CFDP1: variants seen among roughly 807,000 people sequenced by gnomAD.
CFDP1 encodes the protein heterochromatin-stabilizing protein CFDP1.
A neutral mutation model predicts 40.1 loss-of-function variants in CFDP1; 31 were observed. That is an observed-to-expected ratio of 0.77 (90% CI 0.58 to 1.04). The LOEUF is 1.04. CFDP1 is among the 50% of genes least tolerant of loss of function. The probability of loss-of-function intolerance (pLI) is 0.00; values close to 1 mark genes in which losing one functional copy is unlikely to be tolerated. For synonymous variants in CFDP1, 167 were observed against 120.0 expected (o/e 1.39, Z -2.56); for missense variants, 423 against 343.4 (o/e 1.23, Z -1.83).
intron 5 of CFDP1, among the ~76,000 whole-genome samples, chr16:75,314,622 G>T (rs971408258): frequency 6.6e-6 from 1 of 152,064 alleles, no homozygotes; most frequent in Non-Finnish European, 1.5e-5. Context: ...ACTGGCATGG[G>T]AATTATACCT....
chr16:75,327,012 T>G (rs1445883453), intron 5 of CFDP1, among the ~76,000 whole-genome samples: 1 of 152,228 alleles, frequency 6.6e-6, no homozygotes, highest in East Asian at 1.9e-4. Flanking sequence ...GGCTGACGCC[T>G]GTAATCCCAG....
intron 6 of CFDP1, among the ~76,000 whole-genome samples, chr16:75,295,628 T>C (rs2078176877): frequency 6.6e-6 from 1 of 152,204 alleles, no homozygotes; most frequent in African/African-American, 2.4e-5. Flanking sequence ...GCTCAGGTAC[T>C]AAGCTGCTGT....
intron 5 of CFDP1, among the ~76,000 whole-genome samples, chr16:75,307,331 T>C (rs2078265734): frequency 6.6e-6 from 1 of 152,138 alleles, no homozygotes; most frequent in Non-Finnish European, 1.5e-5. Context: ...TTCTCCTGTC[T>C]CAGCCTCCCA....
chr16:75,418,252 CAAAAAAAAAAA>C (rs34789992), intron 1 of CFDP1, among the ~76,000 whole-genome samples: 2 of 57,010 alleles, frequency 3.5e-5, no homozygotes, highest in African/African-American at 6.6e-5. Context: ...AACTCTGTCT[CAAAAAAAAAAA>C]AAAAAAAAAA....
intron 5 of CFDP1, among the ~76,000 whole-genome samples, chr16:75,330,962 T>TA (rs11333509): frequency 0.034 from 4,392 of 127,446 alleles, 202 homozygotes; most frequent in East Asian, 0.28. Flanking sequence ...TTCCAATTAT[T>TA]AAAAAAAAAA....
At chr16:75,424,414 A>G (rs1236461951) in intron 1 of CFDP1, among the ~76,000 whole-genome samples, 1 of 152,216 alleles carries the variant, frequency 6.6e-6, no homozygotes, top group Non-Finnish European at 1.5e-5. Context: ...ACCTATAGCT[A>G]ACACCACATC....
At chr16:75,347,359 A>AAAAAAAAAAAAAAG (rs1555556963) in intron 5 of CFDP1, among the ~76,000 whole-genome samples, 13 of 53,690 alleles carry the variant, frequency 2.4e-4, no homozygotes, top group Admixed American at 2.8e-4. Flanking sequence ...AAAAAAAAAA[A>AAAAAAAAAAAAAAG]AAAAAGAAAA....
Position 75,305,153 on chromosome 16 carries a change from A to G in CFDP1, c.680T>C (p.Leu227Pro), listed in dbSNP as rs1032570804. The G allele has an allele frequency of 1.9e-6, 3 of 1,614,146 alleles. No individual in the cohort carries two copies. Among genetic ancestry groups the G allele is most frequent in the Non-Finnish European group, 2.5e-6 (3 of 1,180,026 alleles). The change falls in exon 6 of 7, where the codon CTT becomes CCT. Residue 227 changes from leucine to proline, a missense_variant. Leu to Pro is a moderately conservative substitution (Grantham distance 98). Transcript: ENST00000283882. ...CTTCTTGGCACCAATTTTCCCCAAA[A>G]GGCTGCTCATGCCACTTGATCTTTT... is the stretch of plus-strand genomic sequence containing the variant. ...GLKRSSGMSS[L>P]LGKIGAKKQK...
chr16:75,315,098 G>C (rs990148425), intron 5 of CFDP1, among the ~76,000 whole-genome samples: 1 of 151,994 alleles, frequency 6.6e-6, no homozygotes, highest in African/African-American at 2.4e-5. Context: ...ATTCACAAAA[G>C]CATCACATAA....
intron 4 of CFDP1, among the ~76,000 whole-genome samples, chr16:75,405,690 C>G (rs991074143): frequency 7.4e-5 from 11 of 147,674 alleles, no homozygotes; most frequent in Admixed American, 4.9e-4. Flanking sequence ...GGTAAAGTTG[C>G]AGTGAGCTGA....
intron 5 of CFDP1, among the ~76,000 whole-genome samples, chr16:75,312,766 A>C (rs569932064): frequency 1.1e-4 from 17 of 152,198 alleles, no homozygotes; most frequent in African/African-American, 3.9e-4. Flanking sequence ...ATTTTAGCTG[A>C]CTTTGGTGCT....
At chr16:75,380,645 CTT>C (rs1443928176) in intron 5 of CFDP1, among the ~76,000 whole-genome samples, 1 of 152,116 alleles carries the variant, frequency 6.6e-6, no homozygotes, top group Non-Finnish European at 1.5e-5. Flanking sequence ...AGAAAGGTCT[CTT>C]TTAAGAACCG....
At chr16:75,373,525 C>A (rs2078769234) in intron 5 of CFDP1, among the ~76,000 whole-genome samples, 1 of 152,106 alleles carries the variant, frequency 6.6e-6, no homozygotes, top group Non-Finnish European at 1.5e-5. Context: ...GTGACCCCTG[C>A]CCACCCCCCA....
chr16:75,427,655 C>G (rs561884829), intron 1 of CFDP1, among the ~76,000 whole-genome samples: 141 of 152,288 alleles, frequency 9.3e-4, no homozygotes, highest in African/African-American at 3.1e-3. Context: ...TTGTTACCAA[C>G]AGCAATCAAG....
At chr16:75,336,946 A>C (rs932002952) in intron 5 of CFDP1, among the ~76,000 whole-genome samples, 1 of 152,086 alleles carries the variant, frequency 6.6e-6, no homozygotes, top group Non-Finnish European at 1.5e-5. Flanking sequence ...AAAACTGGAC[A>C]GTTGCTATGT....
At chr16:75,370,097 CT>C (rs530812447) in intron 5 of CFDP1, among the ~76,000 whole-genome samples, 167 of 141,934 alleles carry the variant, frequency 1.2e-3, no homozygotes, top group South Asian at 2.3e-3. Flanking sequence ...TTATTTATTA[CT>C]TTTTTTTTTT....
intron 5 of CFDP1, among the ~76,000 whole-genome samples, chr16:75,346,000 T>C (rs1043071896): frequency 5.9e-5 from 9 of 152,192 alleles, no homozygotes; most frequent in African/African-American, 1.9e-4. Context: ...GAAATCTGAA[T>C]GCATGTGAAG....
intron 5 of CFDP1, among the ~76,000 whole-genome samples, chr16:75,332,600 G>C (rs576469677): frequency 8.2e-4 from 125 of 152,062 alleles, no homozygotes; most frequent in African/African-American, 2.9e-3. Context: ...CCGAGAGGTT[G>C]AGGCTGCAGT....
At chr16:75,301,536 CTTTTTTTTTTTTTT>C (rs546724752) in intron 6 of CFDP1, among the ~76,000 whole-genome samples, 33 of 53,970 alleles carry the variant, frequency 6.1e-4, no homozygotes, top group Admixed American at 1.6e-3. Context: ...TTTGTTGTGT[CTTTTTTTTTTTTTT>C]TTTTTTTTTT....
Sources: gnomAD v4.1 joint callset for allele counts (sites outside exome capture counted in the v4.1 genomes callset) on GRCh38, gnomAD v4.1.1 for gene constraint, MANE v1.5 for transcripts, NCBI Gene and HGNC (gene_info 2026-07-23, HGNC 2026-07-21) for gene names.